The following RPRD2 variants were observed in gnomAD, a reference collection of about 807,000 sequenced individuals.
RPRD2 encodes regulation of nuclear pre-mRNA domain-containing protein 2.
Under a neutral mutation model 104.4 loss-of-function variants are expected in RPRD2, and 12 were observed. The ratio of observed to expected loss-of-function variants is 0.11; its 90% CI spans 0.07 to 0.19. The LOEUF (loss-of-function observed/expected upper bound fraction) is 0.19. Ranked by LOEUF, RPRD2 falls within the 10% of genes least tolerant of loss-of-function variation. The pLI, the probability that RPRD2 is intolerant of heterozygous loss-of-function variation, is 1.00. For missense variants in RPRD2, 1,543 were observed against 1,790.1 expected, an observed-to-expected ratio of 0.86 and a Z score of 2.49; for synonymous variants, 714 against 684.9, an observed-to-expected ratio of 1.04 and a Z score of -0.66.
At chr1:150,404,624 A>AT (rs34001951) in intron 1 of RPRD2, among the ~76,000 whole-genome samples, 1 of 151,468 alleles carries the variant, frequency 6.6e-6, no homozygotes, top group Non-Finnish European at 1.5e-5. Flanking sequence ...ATAAAAAAAA[A>AT]TTTTTTTTGA....
At chr1:150,398,365 T>G (rs1662705581) in intron 1 of RPRD2, among the ~76,000 whole-genome samples, 1 of 151,398 alleles carries the variant, frequency 6.6e-6, no homozygotes, top group African/African-American at 2.4e-5. Flanking sequence ...CCTGGCTAAT[T>G]TTTTGTATTT....
chr1:150,460,014 T>C, intron 8 of RPRD2, 46 bp from the exon 9 acceptor site: 1 of 1,584,130 alleles, frequency 6.3e-7, no homozygotes, highest in Non-Finnish European at 8.6e-7. Context: ...GGAAGCAAAG[T>C]CTGGAAAGTA....
intron 6 of RPRD2, among the ~76,000 whole-genome samples, chr1:150,445,655 C>T (rs1666708123): frequency 6.6e-6 from 1 of 152,158 alleles, no homozygotes; most frequent in Non-Finnish European, 1.5e-5. Flanking sequence ...TTTAGTTGAA[C>T]TTTCTTTTCT....
In RPRD2 at chr1:150,473,135, G is replaced by A; in HGVS notation, c.4187G>A (p.Gly1396Asp). 6.2e-7 allele frequency: 1 copy of A among 1,613,858 alleles called. No individual in the cohort carries two copies. Among genetic ancestry groups the A allele is most frequent in the South Asian group, 1.1e-5 (1 of 91,078 alleles). ...GGGGGAGGCAGCAACAGCAGCAGTG[G>A]CCCCCCCTTGGGTCCCTCACACAGA... Reference protein sequence around the residue: ...GGGGGSNSSSGPPLGPSHRDT... With the variant: ...GGGGGSNSSSDPPLGPSHRDT... Residue 1396 changes from glycine (G) to aspartate (D), a missense_variant, in exon 11 of 11, where the codon GGC becomes GAC. Around this residue, in one of 4 missense-constraint regions of RPRD2, gnomAD observed 880 missense variants for 885.6 expected, o/e 0.99. Coordinates refer to ENST00000369068, the MANE Select transcript of RPRD2 (RefSeq NM_015203.5).
chr1:150,470,752 T>A lies in RPRD2; in HGVS notation c.1804T>A (p.Ser602Thr), dbSNP rs762456367. The A allele has an allele frequency of 6.2e-7, 1 of 1,614,002 alleles. No individual in the cohort carries two copies. The highest frequency in any genetic ancestry group is 8.5e-7 in the Non-Finnish European group (1 of 1,179,862). The change falls in exon 11 of 11, where the codon TCT (serine) becomes ACT (threonine). Residue 602 changes from serine to threonine, a missense_variant. By Grantham distance (58) the Ser-to-Thr change is moderately conservative. This residue lies in a region of RPRD2 where 572 missense variants were observed against 787.3 expected (regional missense o/e 0.73). Transcript: ENST00000369068. ...TCCTAACTCATCAACTTCTGAAGTC[T>A]CTTCAACTTCAGCCAGCAAGGCCTC... ...YSPNSSTSEV[S>T]STSASKASIG...
chr1:150,414,380 T>G lies in RPRD2; in HGVS notation c.206-3216T>G, dbSNP rs1293424358. ...AGAAGAGTTAAGTAATGTAAAAGAC[T>G]CCAAAGCTAACAAGTGACAGAGCCA... On this transcript the variant is annotated intron_variant, in intron 1 of 10. Coordinates refer to ENST00000369068, the MANE Select transcript of RPRD2 (RefSeq NM_015203.5). 3.9e-5 allele frequency among the ~76,000 whole-genome samples: 6 copies of G among 152,180 alleles called. No individual in the cohort carries two copies. In the East Asian group the frequency reaches 1.2e-3, roughly 29 times the overall value.
chr1:150,429,769 A>G (rs2102315189), intron 2 of RPRD2, among the ~76,000 whole-genome samples: 1 of 152,368 alleles, frequency 6.6e-6, no homozygotes, highest in East Asian at 1.9e-4. Flanking sequence ...AGTTGTTTGT[A>G]TATAATTATG....
At chr1:150,457,891 T>G (rs1026007728) in intron 8 of RPRD2, among the ~76,000 whole-genome samples, 1 of 152,138 alleles carries the variant, frequency 6.6e-6, no homozygotes, top group South Asian at 2.1e-4. Context: ...GCCAACATGG[T>G]GTAACCCTGT....
intron 2 of RPRD2, among the ~76,000 whole-genome samples, chr1:150,426,497 CA>C (rs1169565094): frequency 1.3e-5 from 2 of 152,010 alleles, no homozygotes; most frequent in African/African-American, 2.4e-5. Flanking sequence ...ATATGTAAAG[CA>C]TTATAAAGGA....
At position 150,435,160 on chromosome 1, in the gene RPRD2, G is replaced by A. The variant is rs183787889; in HGVS notation, c.336-5763G>A. 1.1e-4 allele frequency among the ~76,000 whole-genome samples: 16 copies of A among 152,098 alleles called. No individual in the cohort carries two copies. In the East Asian group the frequency reaches 2.3e-3, roughly 22 times the overall value. ...ATTGTTTTTACATATTCCTAACTTCGTCCATGTAAGACCGTGAACTTAATT... is the reference window on the plus strand; with the variant it reads ...ATTGTTTTTACATATTCCTAACTTCATCCATGTAAGACCGTGAACTTAATT... On this transcript the variant is annotated intron_variant, in intron 2 of 10. Transcript: ENST00000369068.
At chr1:150,458,451 C>A (rs587743797) in intron 8 of RPRD2, among the ~76,000 whole-genome samples, 17 of 150,446 alleles carry the variant, frequency 1.1e-4, no homozygotes, top group Admixed American at 9.3e-4. Context: ...GAGACCCTCT[C>A]TCCAAAAAAA....
intron 2 of RPRD2, among the ~76,000 whole-genome samples, chr1:150,437,078 A>G (rs956972860): frequency 6.6e-6 from 1 of 152,208 alleles, no homozygotes; most frequent in Non-Finnish European, 1.5e-5. Flanking sequence ...TTGTAAGGCT[A>G]TAGTTGCCGC....
intron 2 of RPRD2, among the ~76,000 whole-genome samples, chr1:150,437,087 G>A (rs989735656): frequency 5.3e-5 from 8 of 152,124 alleles, no homozygotes; most frequent in East Asian, 1.9e-4. Context: ...TATAGTTGCC[G>A]CTAATAATGA....
intron 2 of RPRD2, among the ~76,000 whole-genome samples, chr1:150,439,408 A>C (rs587776253): frequency 6.6e-6 from 1 of 151,542 alleles, no homozygotes; most frequent in African/African-American, 2.4e-5. Context: ...CAGGAGGCTG[A>C]GGCTGCGGCT....
chr1:150,433,363 C>T (rs1457756726), intron 2 of RPRD2, among the ~76,000 whole-genome samples: 1 of 149,490 alleles, frequency 6.7e-6, no homozygotes, highest in African/African-American at 2.5e-5. Flanking sequence ...AACAGACAGA[C>T]CCTCTCTCTC....
chr1:150,376,763 GTGCTGGGATTACAGGCGTGAGCCACCGC>G (rs1258460633), intron 1 of RPRD2, among the ~76,000 whole-genome samples: 2 of 151,268 alleles, frequency 1.3e-5, no homozygotes, highest in Non-Finnish European at 3.0e-5. Context: ...GCCTCCCAAA[GTGCTGGGATTACAGGCGTGAGCCACCGC>G]GCCCGGCCGA....
chr1:150,372,048 A>T (rs1347698555), intron 1 of RPRD2, among the ~76,000 whole-genome samples: 1 of 152,176 alleles, frequency 6.6e-6, no homozygotes, highest in Non-Finnish European at 1.5e-5. Flanking sequence ...CTAGGTAAAA[A>T]CCTTTCTAAA....
rs143626934 is a variant in RPRD2, at chr1:150,388,497, G to GCACACACACA, written c.205+23595_205+23604dup. Among the ~76,000 whole-genome samples the GCACACACACA allele has an allele frequency of 2.8e-4, 25 of 90,220 alleles. No homozygotes were observed. In the East Asian group the frequency reaches 4.4e-3, roughly 16 times the overall value. 59.2% of individuals were successfully genotyped at this position (90,220 alleles called of 152,430 possible). Reference sequence around the variant, plus strand: ...ACATACACTATATATATATACCCGCGCACACACACACACACACACACACAC... The same window carrying GCACACACACA: ...ACATACACTATATATATATACCCGCGCACACACACACACACACACACACACACACACACAC... On this transcript the variant is annotated intron_variant, in intron 1 of 10. Coordinates refer to ENST00000369068, the MANE Select transcript of RPRD2 (RefSeq NM_015203.5).
chr1:150,413,738 C>G (rs1459396757), intron 1 of RPRD2, among the ~76,000 whole-genome samples: 1 of 151,854 alleles, frequency 6.6e-6, no homozygotes, highest in Non-Finnish European at 1.5e-5. Context: ...CCAGCCTGAC[C>G]AACATAGAGA....
Sources: allele counts gnomAD v4.1 joint callset (sites outside exome capture counted in the v4.1 genomes callset), GRCh38; gene constraint gnomAD v4.1.1; regional missense constraint gnomAD v4.1.1; transcripts MANE v1.5; gene names NCBI Gene and HGNC (gene_info 2026-07-23, HGNC 2026-07-21).